ERN1: variants seen among roughly 807,000 people sequenced by gnomAD.
ERN1 encodes endoplasmic reticulum to nucleus signaling 1, also known as serine/threonine-protein kinase/endoribonuclease IRE1.
In ERN1, 39 loss-of-function variants were observed where a neutral mutation model predicts 113.1. The ratio of observed to expected loss-of-function variants is 0.34; its 90% CI spans 0.27 to 0.45. ERN1 has a LOEUF of 0.45. Among genes scored for constraint, ERN1 ranks in the 20% least tolerant of loss-of-function variants. The pLI is 1.00. For synonymous variants in ERN1, 507 were observed against 515.9 expected (o/e 0.98, Z 0.23); for missense variants, 976 against 1,274.8 (o/e 0.77, Z 3.57).
chr17:64,095,108 G>A (rs1489928102), intron 2 of ERN1, among the ~76,000 whole-genome samples: 1 of 152,174 alleles, frequency 6.6e-6, no homozygotes, highest in Non-Finnish European at 1.5e-5. Context: ...AAACATGCCA[G>A]TTTATTCTTA....
At chr17:64,092,773 C>T (rs909394208) in intron 2 of ERN1, among the ~76,000 whole-genome samples, 10 of 152,208 alleles carry the variant, frequency 6.6e-5, no homozygotes, top group African/African-American at 2.4e-4. Context: ...AAGCCCTACA[C>T]CAGCCCTGGA....
chr17:64,129,844 TG>T, intron 1 of ERN1, 131 bp downstream of exon 1: 2 of 819,736 alleles, frequency 2.4e-6, no homozygotes, highest in Non-Finnish European at 3.3e-6. Flanking sequence ...CTCCCACGGC[TG>T]GGCTCACGGG....
At chr17:64,077,950 G>T (rs1448172602) in intron 4 of ERN1, among the ~76,000 whole-genome samples, 1 of 151,828 alleles carries the variant, frequency 6.6e-6, no homozygotes, top group Non-Finnish European at 1.5e-5. Flanking sequence ...TTTCACCATG[G>T]TCTCGATCTC....
At chr17:64,082,199 TAC>T (rs1368211062) in intron 2 of ERN1, among the ~76,000 whole-genome samples, 1 of 152,170 alleles carries the variant, frequency 6.6e-6, no homozygotes, top group Non-Finnish European at 1.5e-5. Flanking sequence ...AACAGAGGTG[TAC>T]ACACACCATA....
chr17:64,048,962 T>G, intron 18 of ERN1, 93 bp downstream of exon 18: 2 of 1,294,662 alleles, frequency 1.5e-6, no homozygotes, highest in Non-Finnish European at 2.1e-6. Context: ...CACCACGGCC[T>G]CTGTGAGTGC....
intron 2 of ERN1, among the ~76,000 whole-genome samples, chr17:64,095,085 C>A (rs1029924980): frequency 1.3e-4 from 20 of 152,110 alleles, no homozygotes; most frequent in Admixed American, 1.2e-3. Flanking sequence ...CACTGGTATC[C>A]AGGGCTGAAC....
chr17:64,065,927 T>C (rs1392666188), intron 8 of ERN1, among the ~76,000 whole-genome samples: 2 of 152,196 alleles, frequency 1.3e-5, no homozygotes, highest in Non-Finnish European at 2.9e-5. Context: ...AGAGCCCACC[T>C]GGGATCGGTC....
intron 1 of ERN1, chr17:64,098,548 C>A (rs1286230117): frequency 5.1e-6 from 3 of 587,606 alleles, no homozygotes; most frequent in East Asian, 4.2e-5. Context: ...AGCTTTCTGA[C>A]TTCCTTCTCT....
intron 1 of ERN1, among the ~76,000 whole-genome samples, chr17:64,116,992 T>G (rs1170804947): frequency 6.7e-6 from 1 of 150,094 alleles, no homozygotes; most frequent in Non-Finnish European, 1.5e-5. Context: ...TGTGCCTGTA[T>G]TCCCAGCTAC....
Position 64,066,901 on chromosome 17 carries a change from C to G in ERN1, c.612G>C (p.Gly204=), listed in dbSNP as rs377205388. The change falls in exon 8 of 22, where the codon GGG becomes GGC. Residue 204 remains glycine, a synonymous_variant. Transcript: ENST00000433197. ...KMSHFVSNGD[G]LVVTVDSESG... ...ATTCACTGTCCACAGTCACCACCAG[C>G]CCATCACCATTGGACACAAAGTGGG... The G allele has an allele frequency of 5.5e-5, 88 of 1,613,780 alleles. No homozygotes were observed. Among genetic ancestry groups the G allele is most frequent in the Non-Finnish European group, 6.9e-5 (82 of 1,179,856 alleles).
intron 1 of ERN1, among the ~76,000 whole-genome samples, chr17:64,106,237 A>C (rs1325204426): frequency 6.6e-6 from 1 of 152,232 alleles, no homozygotes; most frequent in Non-Finnish European, 1.5e-5. Context: ...GTAAGACTTG[A>C]AACAAGTTAT....
chr17:64,108,041 A>G (rs1459487209), intron 1 of ERN1, among the ~76,000 whole-genome samples: 1 of 152,184 alleles, frequency 6.6e-6, no homozygotes, highest in African/African-American at 2.4e-5. Flanking sequence ...AGAAAAGGCC[A>G]AGGCCTAACT....
intron 1 of ERN1, among the ~76,000 whole-genome samples, chr17:64,124,983 C>T (rs78885494): frequency 0.019 from 2,960 of 152,138 alleles, 65 homozygotes; most frequent in Non-Finnish European, 0.022. Context: ...TGGGGGGAAA[C>T]GGTGTGTAAC....
intron 1 of ERN1, among the ~76,000 whole-genome samples, chr17:64,126,390 C>G (rs145608242): frequency 0.011 from 1,616 of 152,200 alleles, 40 homozygotes; most frequent in African/African-American, 0.037. Context: ...ATTCTTTCAC[C>G]TGAAAAACGG....
chr17:64,049,436 T>G lies in ERN1; in HGVS notation c.2254-234A>C, dbSNP rs1912614389. 6.6e-6 allele frequency among the ~76,000 whole-genome samples: 1 copy of G among 152,178 alleles called. No individual in the cohort carries two copies. The highest frequency in any genetic ancestry group is 1.5e-5 in the Non-Finnish European group (1 of 68,024). On this transcript the variant is annotated intron_variant, in intron 17 of 21. Coordinates refer to ENST00000433197, the MANE Select transcript of ERN1 (RefSeq NM_001433.5). This position sits in a 1 kb window ranked among gnomAD's most constrained non-coding sequence, Gnocchi z 4.7. ...AGCCACCTGGAAGCCCCTGGTTCCC[T>G]CTCATGTGAGATGAGGACACTGACA...
At chr17:64,108,159 G>T (rs1914579868) in intron 1 of ERN1, among the ~76,000 whole-genome samples, 1 of 151,768 alleles carries the variant, frequency 6.6e-6, no homozygotes, top group Non-Finnish European at 1.5e-5. Flanking sequence ...AGACAGTTAG[G>T]ACTCTTCTTC....
At chr17:64,066,633 C>T (rs771547992) in intron 8 of ERN1, 38 bp downstream of exon 8, 5 of 1,607,798 alleles carry the variant, frequency 3.1e-6, no homozygotes, top group South Asian at 1.1e-5. Flanking sequence ...AACACGAAGG[C>T]CACGGCCGCC....
At position 64,079,106 on chromosome 17, in the gene ERN1, G is replaced by C. The variant is rs1913687357; in HGVS notation, c.282+556C>G. Among the ~76,000 whole-genome samples the C allele has an allele frequency of 2.0e-5, 3 of 152,066 alleles. No individual in the cohort carries two copies. In the South Asian group the frequency reaches 6.2e-4, roughly 32 times the overall value. On this transcript the variant is annotated intron_variant, in intron 4 of 21. Transcript: ENST00000433197. ...CCTGTTTCTAAATTCTCTTATCTGG[G>C]GAGCTTTTAAAAAGTCCTGATGACT...
intron 2 of ERN1, among the ~76,000 whole-genome samples, chr17:64,095,377 C>T (rs1914202035): frequency 6.6e-6 from 1 of 152,096 alleles, no homozygotes; most frequent in African/African-American, 2.4e-5. Context: ...TTCAGTGAGC[C>T]AAGATCGCAC....
Sources: allele counts gnomAD v4.1 joint callset (sites outside exome capture counted in the v4.1 genomes callset), GRCh38; gene constraint gnomAD v4.1.1; non-coding constraint Gnocchi (gnomAD v3.1); transcripts MANE v1.5; gene names NCBI Gene and HGNC (gene_info 2026-07-23, HGNC 2026-07-21).